RALYL: variants seen among roughly 807,000 people sequenced by gnomAD.
RALYL encodes RNA-binding Raly-like protein.
A neutral mutation model predicts 35.1 loss-of-function variants in RALYL; 29 were observed. The observed-to-expected ratio is 0.83, with a 90% CI of 0.61 to 1.13. The LOEUF (loss-of-function observed/expected upper bound fraction) is 1.13. Ranked by LOEUF, RALYL falls within the 50% of genes most tolerant of loss-of-function variation. The probability of loss-of-function intolerance (pLI) is 0.00; values close to 1 mark genes in which losing one functional copy is unlikely to be tolerated. For missense variants in RALYL, 359 were observed against 360.4 expected (o/e 1.00, Z 0.03); for synonymous variants, 120 against 127.6 (o/e 0.94, Z 0.40).
intron 5 of RALYL, among the ~76,000 whole-genome samples, chr8:84,859,242 A>G (rs566375718): frequency 1.1e-4 from 16 of 152,224 alleles, no homozygotes; most frequent in Non-Finnish European, 1.0e-4. Flanking sequence ...GAGGGGACCA[A>G]TCAGAGGTAC....
intron 2 of RALYL, among the ~76,000 whole-genome samples, chr8:84,715,260 C>A (rs1842791616): frequency 6.6e-6 from 1 of 151,648 alleles, no homozygotes; most frequent in African/African-American, 2.4e-5. Flanking sequence ...TTATAGATGA[C>A]TAATGTAATT....
chr8:84,621,317 C>G (rs574860297), intron 2 of RALYL, among the ~76,000 whole-genome samples: 4 of 152,150 alleles, frequency 2.6e-5, no homozygotes, highest in Non-Finnish European at 4.4e-5. Context: ...TTTTTAAGCC[C>G]GTCGGAAAAG....
At chr8:84,540,311 ATTTGTG>A (rs1406141026) in intron 2 of RALYL, among the ~76,000 whole-genome samples, 2 of 147,302 alleles carry the variant, frequency 1.4e-5, no homozygotes, top group Non-Finnish European at 3.0e-5. Flanking sequence ...TTATCATAGG[ATTTGTG>A]TGTGTGTGTG....
chr8:84,614,160 T>C (rs1261153869), intron 2 of RALYL, among the ~76,000 whole-genome samples: 1 of 151,674 alleles, frequency 6.6e-6, no homozygotes, highest in African/African-American at 2.4e-5. Context: ...AGTTGAAGCA[T>C]ATTGTGCCTG....
chr8:84,740,069 T>A (rs1239523613), intron 2 of RALYL, among the ~76,000 whole-genome samples: 1 of 151,876 alleles, frequency 6.6e-6, no homozygotes, highest in Admixed American at 6.6e-5. Context: ...AATAAAAGTC[T>A]GATGAGATAA....
chr8:84,561,188 C>A (rs975363710), intron 2 of RALYL, among the ~76,000 whole-genome samples: 2 of 151,988 alleles, frequency 1.3e-5, no homozygotes, highest in African/African-American at 4.8e-5. Flanking sequence ...ACTACATTTT[C>A]TTCTATAAAT....
At chr8:84,751,258 G>C (rs998479529) in intron 2 of RALYL, among the ~76,000 whole-genome samples, 3 of 151,922 alleles carry the variant, frequency 2.0e-5, no homozygotes, top group Non-Finnish European at 2.9e-5. Context: ...CCCAGGCTAG[G>C]GTGCAGTGGC....
At chr8:84,247,378 G>A (rs1339753998) in intron 1 of RALYL, among the ~76,000 whole-genome samples, 1 of 151,880 alleles carries the variant, frequency 6.6e-6, no homozygotes, top group Non-Finnish European at 1.5e-5. Context: ...TTCTTAAGAG[G>A]TACATGTAAC....
At chr8:84,727,657 G>A (rs1005806043) in intron 2 of RALYL, among the ~76,000 whole-genome samples, 1 of 128,202 alleles carries the variant, frequency 7.8e-6, no homozygotes. Context: ...AGAGTGTGAT[G>A]TTCCCCTTCC....
At chr8:84,907,121 T>C (rs759663816) in intron 8 of RALYL, 37 of 243,516 alleles carry the variant, frequency 1.5e-4, no homozygotes, top group Non-Finnish European at 1.7e-4. Context: ...ATTTTAATAA[T>C]ATTAAGTAAC....
intron 1 of RALYL, among the ~76,000 whole-genome samples, chr8:84,316,512 G>A (rs552548363): frequency 3.6e-4 from 55 of 152,214 alleles, no homozygotes; most frequent in African/African-American, 1.3e-3. Context: ...GTTGTTACAT[G>A]TACATTCTAG....
chr8:84,285,297 A>T (rs1370194793), intron 1 of RALYL, among the ~76,000 whole-genome samples: 1 of 152,218 alleles, frequency 6.6e-6, no homozygotes, highest in South Asian at 2.1e-4. Context: ...CTAAAAAGTC[A>T]TTTAAGTATA....
intron 1 of RALYL, chr8:84,184,893 C>T: frequency 3.6e-6 from 5 of 1,391,678 alleles, no homozygotes; most frequent in Non-Finnish European, 4.1e-6. Flanking sequence ...CCGCATATTC[C>T]GGAGGGGCTG....
intron 1 of RALYL, among the ~76,000 whole-genome samples, chr8:84,337,856 A>T (rs1848098002): frequency 6.6e-6 from 1 of 152,104 alleles, no homozygotes; most frequent in Non-Finnish European, 1.5e-5. Flanking sequence ...CTCTTTCTAC[A>T]TTGTGCCATC....
At chr8:84,338,818 G>A (rs1206883994) in intron 1 of RALYL, among the ~76,000 whole-genome samples, 2 of 152,058 alleles carry the variant, frequency 1.3e-5, no homozygotes, top group Non-Finnish European at 2.9e-5. Flanking sequence ...AGACATGATA[G>A]TGATAGCATC....
At chr8:84,550,247 C>T (rs1031961165) in intron 2 of RALYL, among the ~76,000 whole-genome samples, 9 of 152,056 alleles carry the variant, frequency 5.9e-5, no homozygotes, top group African/African-American at 1.9e-4. Flanking sequence ...TCCACTTTCT[C>T]CTTTTCCTTT....
intron 2 of RALYL, among the ~76,000 whole-genome samples, chr8:84,532,036 A>G (rs1329732893): frequency 6.6e-6 from 1 of 152,052 alleles, no homozygotes; most frequent in Admixed American, 6.6e-5. Context: ...TCTTTAGAGC[A>G]TATATCCTAA....
intron 3 of RALYL, among the ~76,000 whole-genome samples, chr8:84,791,208 A>G (rs1238794039): frequency 1.3e-5 from 2 of 152,166 alleles, no homozygotes; most frequent in African/African-American, 4.8e-5. Context: ...TGAGAACATG[A>G]CATTTGAGCA....
At chr8:84,508,052 T>C (rs2057320828) in intron 1 of RALYL, among the ~76,000 whole-genome samples, 1 of 152,272 alleles carries the variant, frequency 6.6e-6, no homozygotes, top group Non-Finnish European at 1.5e-5. Context: ...TCACTATCAT[T>C]GTAAAGGGAA....
Sources: gnomAD v4.1 joint callset for allele counts (sites outside exome capture counted in the v4.1 genomes callset) on GRCh38, gnomAD v4.1.1 for gene constraint, MANE v1.5 for transcripts, NCBI Gene and HGNC (gene_info 2026-07-23, HGNC 2026-07-21) for gene names.